RAD51B: variants seen among roughly 807,000 people sequenced by gnomAD.
The protein encoded by RAD51B is RAD51 paralog B, also known as DNA repair protein RAD51 homolog 2.
Under a neutral mutation model 42.2 loss-of-function variants are expected in RAD51B, and 38 were observed. The ratio of observed to expected loss-of-function variants is 0.90; its 90% confidence interval spans 0.70 to 1.18. The LOEUF is 1.18. RAD51B is among the 50% of genes most tolerant of loss of function. RAD51B has a pLI of 0.00. For synonymous variants in RAD51B, 154 were observed against 145.2 expected (o/e 1.06, Z -0.43); for missense variants, 373 against 400.7 (o/e 0.93, Z 0.59).
At chr14:67,928,699 T>G (rs2044620317) in intron 7 of RAD51B, among the ~76,000 whole-genome samples, 2 of 152,122 alleles carry the variant, frequency 1.3e-5, no homozygotes, top group Admixed American at 6.6e-5. Flanking sequence ...ATCGCCAGAA[T>G]TTGCATATCA....
intron 7 of RAD51B, among the ~76,000 whole-genome samples, chr14:68,106,468 A>T (rs1595405286): frequency 6.6e-6 from 1 of 152,022 alleles, no homozygotes; most frequent in East Asian, 1.9e-4. Context: ...CCTATCTGGC[A>T]CAATGTTTTC....
intron 11 of RAD51B, among the ~76,000 whole-genome samples, chr14:68,659,243 T>C (rs1472600231): frequency 6.6e-6 from 1 of 152,224 alleles, no homozygotes; most frequent in Non-Finnish European, 1.5e-5. Context: ...TGGGGCCGGC[T>C]GGGCCACCTT....
Position 67,910,405 on chromosome 14 carries a change from CAAAAAAAAAAAAAAAAAAAAAA to C in RAD51B, c.756+23217_756+23238del, listed in dbSNP as rs576632132. On this transcript the variant is annotated intron_variant, in intron 7 of 10. Coordinates refer to ENST00000471583, the MANE Select transcript of RAD51B (RefSeq NM_133510.4). ...TGGGCGACAGAGCGAGACTCTGTCTCAAAAAAAAAAAAAAAAAAAAAAAAAAAAAAAAAAAAATATTTAAATA... is the reference window on the plus strand; with the variant it reads ...TGGGCGACAGAGCGAGACTCTGTCTCAAAAAAAAAAAAAAATATTTAAATA... Among the ~76,000 whole-genome samples the C allele has an allele frequency of 9.1e-3, 82 of 9,042 alleles. 9 individuals carry two copies. The highest frequency in any genetic ancestry group is 0.013 in the African/African-American group (11 of 850). The allele number at this position is 9,042 out of a possible 152,430, so 5.9% of individuals were successfully genotyped here.
intron 7 of RAD51B, among the ~76,000 whole-genome samples, chr14:68,107,425 C>T (rs2077393516): frequency 6.6e-6 from 1 of 151,728 alleles, no homozygotes; most frequent in Non-Finnish European, 1.5e-5. Context: ...ATACTATCTA[C>T]GTGGATCTAC....
intron 7 of RAD51B, among the ~76,000 whole-genome samples, chr14:68,148,028 T>C (rs1210251683): frequency 6.6e-6 from 1 of 152,194 alleles, no homozygotes; most frequent in Non-Finnish European, 1.5e-5. Flanking sequence ...GATCTGTTTT[T>C]GTCACAATAG....
chr14:68,446,172 G>T (rs1427996873), intron 9 of RAD51B, among the ~76,000 whole-genome samples: 1 of 152,216 alleles, frequency 6.6e-6, no homozygotes, highest in East Asian at 1.9e-4. Context: ...ATGCTGTGAG[G>T]TGGGTTTTTA....
chr14:68,474,520 G>C (rs10146058), intron 10 of RAD51B, among the ~76,000 whole-genome samples: 32,144 of 152,068 alleles, frequency 0.21, 3,976 homozygotes, highest in East Asian at 0.52. Context: ...CCATCACCCT[G>C]ATTCTCACTT....
rs558203468 is a variant in RAD51B, at chr14:68,475,770, G to A, written c.1037-1878G>A. Among the ~76,000 whole-genome samples, 13 of 152,160 alleles carry A rather than the reference G, an allele frequency of 8.5e-5. No individual in the cohort carries two copies. The South Asian group carries it at 2.7e-3, about 32-fold the overall frequency. ...TATTCCAAGGCCTGGACTATAGTTA[G>A]ACTGGATTTACATTTCTCTTTTAGA... is the stretch of plus-strand genomic sequence containing the variant. On this transcript the variant is annotated intron_variant, in intron 10 of 10. Transcript: ENST00000471583.
At chr14:68,563,896 G>A (rs764799270) in intron 10 of RAD51B, 119 of 985,298 alleles carry the variant, frequency 1.2e-4, no homozygotes, top group Non-Finnish European at 1.4e-4. Flanking sequence ...CTTGAGTAAC[G>A]GCCACAGGCC....
intron 7 of RAD51B, among the ~76,000 whole-genome samples, chr14:68,214,338 T>C (rs1377499103): frequency 6.6e-6 from 1 of 152,194 alleles, no homozygotes; most frequent in East Asian, 1.9e-4. Flanking sequence ...AGGGGAATTG[T>C]GTTACCCCTG....
intron 10 of RAD51B, among the ~76,000 whole-genome samples, chr14:68,509,919 C>T (rs894314581): frequency 3.9e-5 from 6 of 152,220 alleles, no homozygotes; most frequent in African/African-American, 1.4e-4. Context: ...CCCGCAAGCA[C>T]TTGGGAAATT....
intron 11 of RAD51B, among the ~76,000 whole-genome samples, chr14:68,661,612 T>C (rs1422631866): frequency 6.6e-6 from 1 of 152,214 alleles, no homozygotes; most frequent in Non-Finnish European, 1.5e-5. Flanking sequence ...ATGCACTCCA[T>C]CATGGGTTGG....
At chr14:67,999,493 A>G (rs1442928609) in intron 7 of RAD51B, among the ~76,000 whole-genome samples, 1 of 152,208 alleles carries the variant, frequency 6.6e-6, no homozygotes, top group African/African-American at 2.4e-5. Context: ...ATTCCAAGTC[A>G]GTTTGTGATA....
intron 7 of RAD51B, among the ~76,000 whole-genome samples, chr14:68,191,919 T>C (rs778096940): frequency 1.3e-5 from 2 of 152,208 alleles, no homozygotes; most frequent in Non-Finnish European, 2.9e-5. Context: ...TTGGACATCA[T>C]TCAAGGGCTG....
In RAD51B at chr14:67,940,239, A is replaced by G. The variant is rs141344883; in HGVS notation, c.756+53035A>G. 7.7e-3 allele frequency among the ~76,000 whole-genome samples: 1,162 copies of G among 149,960 alleles called. 33 individuals are homozygous for G. Among genetic ancestry groups the G allele is most frequent in the Admixed American group, 0.057 (852 of 15,072 alleles). ...CAGGTGCCTGCCACTGCACCTGGCTAATTTTTGTATTTTTAGTAGAGATGG... is the reference window on the plus strand; with the variant it reads ...CAGGTGCCTGCCACTGCACCTGGCTGATTTTTGTATTTTTAGTAGAGATGG... On this transcript the variant is annotated intron_variant, in intron 7 of 10. Transcript: ENST00000471583.
chr14:68,133,694 G>A lies in RAD51B; in HGVS notation c.757-158190G>A, dbSNP rs191994359. ...TCACCATATTGGCCAGGCTGGTCTC[G>A]AACTCCTGACCTCGTGATCCTCCCG... On this transcript the variant is annotated intron_variant, in intron 7 of 10. Coordinates refer to ENST00000471583, the MANE Select transcript of RAD51B (RefSeq NM_133510.4). Among the ~76,000 whole-genome samples the A allele has an allele frequency of 2.0e-5, 3 of 152,166 alleles. 1 individual carries two copies. The highest frequency in any genetic ancestry group is 2.9e-5 in the Non-Finnish European group (2 of 68,008).
At chr14:68,509,059 G>A (rs140673652) in intron 10 of RAD51B, among the ~76,000 whole-genome samples, 1 of 152,382 alleles carries the variant, frequency 6.6e-6, no homozygotes, top group African/African-American at 2.4e-5. Context: ...GGAAAATAGG[G>A]GGCCCTGGGT....
intron 11 of RAD51B, among the ~76,000 whole-genome samples, chr14:68,666,513 G>A (rs1390125921): frequency 6.6e-6 from 1 of 152,236 alleles, no homozygotes; most frequent in Non-Finnish European, 1.5e-5. Flanking sequence ...TGTGAGGAGA[G>A]CAGTACTGGG....
chr14:68,067,183 C>T (rs1247804511), intron 7 of RAD51B, among the ~76,000 whole-genome samples: 1 of 152,050 alleles, frequency 6.6e-6, no homozygotes, highest in African/African-American at 2.4e-5. Flanking sequence ...AATGTTTTGG[C>T]TGGTCATGGT....
Sources: gnomAD v4.1 joint callset for allele counts (sites outside exome capture counted in the v4.1 genomes callset) on GRCh38, gnomAD v4.1.1 for gene constraint, MANE v1.5 for transcripts, NCBI Gene and HGNC (gene_info 2026-07-23, HGNC 2026-07-21) for gene names.